The following LTBP3 variants were observed in gnomAD, a reference collection of about 807,000 sequenced individuals.
LTBP3 encodes the protein latent-transforming growth factor beta-binding protein 3.
A neutral mutation model predicts 159.7 loss-of-function variants in LTBP3; 97 were observed. The observed-to-expected ratio is 0.61, with a 90% CI of 0.52 to 0.72. LTBP3 has a LOEUF of 0.72. LTBP3 is among the 30% of genes least tolerant of loss of function. LTBP3 has a pLI of 0.00. For synonymous variants in LTBP3, 824 were observed against 777.1 expected, an observed-to-expected ratio of 1.06 and a Z score of -1.00; for missense variants, 1,584 against 1,864.3, an observed-to-expected ratio of 0.85 and a Z score of 2.77.
In LTBP3 at chr11:65,552,969, G is replaced by A. The variant is rs117063418; in HGVS notation, c.1077C>T (p.Cys359=). 1.1e-3 allele frequency: 1,706 copies of A among 1,614,186 alleles called. 37 individuals are homozygous for A. The East Asian group carries it at 0.032, about 30-fold the overall frequency. ...CATGGCGACACACGCCCGGCATTGC[G>A]CACTCGTTGATGTCTGTGGTAAGTG... ...NSTHCQDINE[C]AMPGVCRHGD... Residue 359 remains cysteine (C), a synonymous_variant, in exon 6 of 28, where the codon TGC becomes TGT. Transcript: ENST00000301873. The surrounding 1 kb of genome is among the most constrained non-coding windows in gnomAD (Gnocchi z 6.0).
At chr11:65,542,948 G>A (rs1856209764) in intron 18 of LTBP3, 157 bp downstream of exon 18, 1 of 892,656 alleles carries the variant, frequency 1.1e-6, no homozygotes, top group South Asian at 1.4e-5. Context: ...ATGGATGGAT[G>A]GATGGATGGA....
At chr11:65,551,519 A>G (rs746504772) in intron 9 of LTBP3, 29 bp downstream of exon 9, 1 of 1,613,686 alleles carries the variant, frequency 6.2e-7, no homozygotes, top group African/African-American at 1.3e-5. Context: ...TCGCCTGCCC[A>G]CCCCTCCCAT....
chr11:65,556,755 T>C lies in LTBP3; in HGVS notation c.331+874A>G, dbSNP rs370220194. 8.9e-4 allele frequency among the ~76,000 whole-genome samples: 135 copies of C among 152,156 alleles called. 1 individual carries two copies. The Middle Eastern group carries it at 0.014, about 15-fold the overall frequency. On this transcript the variant is annotated intron_variant, in intron 1 of 27. Transcript: ENST00000301873. ...TTAGCTCTGTGAGTGGGAGAGTGAA[T>C]ATAGGAATGTGTAAGAGGGGCTGTT...
chr11:65,541,176 G>C lies in LTBP3; in HGVS notation c.2843C>G (p.Ala948Gly). The C allele has an allele frequency of 6.2e-7, 1 of 1,602,916 alleles. No homozygotes were observed. The highest frequency in any genetic ancestry group is 1.7e-5 in the Admixed American group (1 of 58,924). Residue 948 changes from alanine to glycine, a missense_variant, in exon 20 of 28, where the codon GCC (alanine) becomes GGC (glycine). Around this residue, in one of 6 missense-constraint regions of LTBP3, gnomAD observed 565 missense variants for 677.7 expected, o/e 0.83. Coordinates refer to ENST00000301873, the MANE Select transcript of LTBP3 (RefSeq NM_001130144.3). ...TQQECCCSLG[A>G]GWGDHCEIYP... ...GATTTCGCAGTGGTCGCCCCAGCCG[G>C]CCCCCAGAGAGCAGCAGCACTCCTG...
intron 1 of LTBP3, among the ~76,000 whole-genome samples, chr11:65,555,915 C>G (rs1373929962): frequency 1.3e-5 from 2 of 152,152 alleles, no homozygotes; most frequent in African/African-American, 4.8e-5. Context: ...ACATCCCAGC[C>G]CAGCCCATCC....
rs2135152165 is a variant in LTBP3 at position 65,551,402 on chromosome 11, C to T, written c.1621G>A (p.Glu541Lys). 1 of 1,612,924 alleles carries T rather than the reference C, an allele frequency of 6.2e-7. No homozygotes were observed. The highest frequency in any genetic ancestry group is 8.5e-7 in the Non-Finnish European group (1 of 1,179,958). Reference protein sequence around the residue: ...ATTTPARPYPELISRPSPPTM... With the variant: ...ATTTPARPYPKLISRPSPPTM... The stretch of plus-strand genomic sequence containing the variant: ...CTCATCCCTACAGTGCCCAGCTCAC[C>T]GGGGTAGGGCCGGGCAGGAGTCGTG... Residue 541 changes from glutamate to lysine, a missense_variant and splice_region_variant, in exon 10 of 28, where the codon GAG (glutamate) becomes AAG (lysine). Glu to Lys is a moderately conservative substitution (Grantham distance 56, BLOSUM62 1). Transcript: ENST00000301873.
Position 65,541,172 on chromosome 11 carries a change from G to A in LTBP3, c.2847C>T (p.Gly949=). 1 of 1,594,738 alleles carries A rather than the reference G, an allele frequency of 6.3e-7. No homozygotes were observed. The highest frequency in any genetic ancestry group is 8.5e-7 in the Non-Finnish European group (1 of 1,172,492). Residue 949 remains glycine (G), a synonymous_variant, in exon 20 of 28, where the codon GGC becomes GGT. Transcript: ENST00000301873. ...QQECCCSLGA[G]WGDHCEIYPC... Reference sequence around the variant, plus strand: ...GGTAGATTTCGCAGTGGTCGCCCCAGCCGGCCCCCAGAGAGCAGCAGCACT... The same window carrying A: ...GGTAGATTTCGCAGTGGTCGCCCCAACCGGCCCCCAGAGAGCAGCAGCACT...
chr11:65,556,358 T>C (rs1856813503), intron 1 of LTBP3, among the ~76,000 whole-genome samples: 1 of 152,054 alleles, frequency 6.6e-6, no homozygotes, highest in Non-Finnish European at 1.5e-5. Flanking sequence ...TGAAACTCCA[T>C]CTCTACTAAA....
At position 65,553,754 on chromosome 11, in the gene LTBP3, G is replaced by A. The variant is rs2135158119; in HGVS notation, c.811C>T (p.Pro271Ser). The change falls in exon 3 of 28, where the codon CCC becomes TCC. Residue 271 changes from proline (P) to serine (S), a missense_variant. By Grantham distance (74) the Pro-to-Ser change is moderately conservative. Coordinates refer to ENST00000301873, the MANE Select transcript of LTBP3 (RefSeq NM_001130144.3). This position sits in a 1 kb window ranked among gnomAD's most constrained non-coding sequence, Gnocchi z 6.5. Reference protein sequence around the residue: ...PHPKPSHPRPPTQKPLGRCFQ... With the variant: ...PHPKPSHPRPSTQKPLGRCFQ... ...CAGCGGCCCAGGGGCTTCTGGGTGG[G>A]CGGCCGGGGGTGCGAGGGCTTGGGG... The A allele has an allele frequency of 6.3e-7, 1 of 1,575,660 alleles. No homozygotes were observed. The highest frequency in any genetic ancestry group is 8.6e-7 in the Non-Finnish European group (1 of 1,168,730).
intron 16 of LTBP3, 27 bp from the exon 17 acceptor site, chr11:65,543,576 A>G: frequency 1.2e-6 from 2 of 1,613,822 alleles, no homozygotes; most frequent in Non-Finnish European, 8.5e-7. Flanking sequence ...GTGTCAGAGG[A>G]CCAGGCTGGG....
chr11:65,540,779 C>G, intron 21 of LTBP3, 92 bp downstream of exon 21: 1 of 1,487,278 alleles, frequency 6.7e-7, no homozygotes, highest in Non-Finnish European at 9.2e-7. Context: ...TTACCCGGCG[C>G]GGGCAGCTGA....
intron 11 of LTBP3, chr11:65,548,509 A>G (rs12804356): frequency 0.053 from 11,790 of 221,856 alleles, 454 homozygotes; most frequent in Non-Finnish European, 0.08. Flanking sequence ...CTATTCCAGA[A>G]GGGTTGATTA....
rs755862659 is a variant in LTBP3 at position 65,552,066 on chromosome 11, G to C, written c.1437C>G (p.Ser479=). 11 of 1,613,980 alleles carry C rather than the reference G, an allele frequency of 6.8e-6. No homozygotes were observed. Among genetic ancestry groups the C allele is most frequent in the Non-Finnish European group, 8.5e-6 (10 of 1,180,008 alleles). ...GTGGCCCGTCAGGGTGCAGGAAAAG[G>C]GAAAAGTCACTCTCGCCCTGAATGG... ...TLTIQGESDF[S]LFLHPDGPPK... Residue 479 remains serine (S), a synonymous_variant, in exon 8 of 28, where the codon TCC becomes TCG. Coordinates refer to ENST00000301873, the MANE Select transcript of LTBP3 (RefSeq NM_001130144.3). The surrounding 1 kb of genome is among the most constrained non-coding windows in gnomAD (Gnocchi z 6.0).
chr11:65,539,226 C>G lies in LTBP3; in HGVS notation c.3766G>C (p.Asp1256His). ...CGCTGGTTCAGCTCTCGGCACTCGT[C>G]GATATCTGAAGGTGAGGGCGACAGG... ...DASRARCVDI[D>H]ECRELNQRGL... Residue 1256 changes from aspartate (D) to histidine (H), a missense_variant, in exon 28 of 28, where the codon GAC becomes CAC. By Grantham distance (81) the Asp-to-His change is moderately conservative (BLOSUM62 -1). This residue lies in a region of LTBP3 where 514 missense variants were observed against 530.3 expected (regional missense o/e 0.97). Coordinates refer to ENST00000301873, the MANE Select transcript of LTBP3 (RefSeq NM_001130144.3). 1 of 1,526,946 alleles carries G rather than the reference C, an allele frequency of 6.5e-7. No individual in the cohort carries two copies. The highest frequency in any genetic ancestry group is 8.8e-7 in the Non-Finnish European group (1 of 1,133,108). 94.6% of individuals were successfully genotyped at this position (1,526,946 alleles called of 1,614,324 possible). A position where few individuals can be genotyped will look rare whatever the true frequency, so the allele number is the denominator to read the frequency against.
rs1003169822 is a variant in LTBP3, at chr11:65,552,712, C to T, written c.1186+148G>A. ...GCTAATGGCAGATCTCATGTGACCC[C>T]GGACCCTGCTGATCCCTGATCCTAT... On this transcript the variant is annotated intron_variant, in intron 6 of 27. Transcript: ENST00000301873. This position sits in a 1 kb window ranked among gnomAD's most constrained non-coding sequence, Gnocchi z 6.0. 8.4e-6 allele frequency: 10 copies of T among 1,190,208 alleles called. No individual in the cohort carries two copies. The highest frequency in any genetic ancestry group is 3.0e-5 in the African/African-American group (2 of 66,268). 73.7% of individuals were successfully genotyped at this position (1,190,208 alleles called of 1,614,324 possible). A position where few individuals can be genotyped will look rare whatever the true frequency, so the allele number is the denominator to read the frequency against.
In LTBP3 at chr11:65,552,005, C is replaced by T. The variant is rs1351516709; in HGVS notation, c.1498G>A (p.Ala500Thr). Reference protein sequence around the residue: ...PQQLPESPSQAPPPEDTEEER... With the variant: ...PQQLPESPSQTPPPEDTEEER... ...TCCTCTGTGTCCTCAGGTGGTGGAG[C>T]CTGGCTAGGGCTCTCCGGAAGCTGC... Residue 500 changes from alanine to threonine, a missense_variant, in exon 8 of 28, where the codon GCT (alanine) becomes ACT (threonine). By Grantham distance (58) the Ala-to-Thr change is moderately conservative. Around this residue, in one of 6 missense-constraint regions of LTBP3, gnomAD observed 565 missense variants for 677.7 expected, o/e 0.83. Coordinates refer to ENST00000301873, the MANE Select transcript of LTBP3 (RefSeq NM_001130144.3). The surrounding 1 kb of genome is among the most constrained non-coding windows in gnomAD (Gnocchi z 6.0). 6.2e-7 allele frequency: 1 copy of T among 1,613,868 alleles called. No individual in the cohort carries two copies.
chr11:65,547,553 C>T lies in LTBP3; in HGVS notation c.1993G>A (p.Ala665Thr), dbSNP rs769389218. Residue 665 changes from alanine to threonine, a missense_variant, in exon 14 of 28, where the codon GCC (alanine) becomes ACC (threonine). This residue lies in a region of LTBP3 where 565 missense variants were observed against 677.7 expected (regional missense o/e 0.83). Transcript: ENST00000301873. This position sits in a 1 kb window ranked among gnomAD's most constrained non-coding sequence, Gnocchi z 4.6. ...CCGTCGCCGCACAGGTGGGGCTTGGCGCATTCGTTCAGGTCTGTGCGGGAG... is the reference window on the plus strand; with the variant it reads ...CCGTCGCCGCACAGGTGGGGCTTGGTGCATTCGTTCAGGTCTGTGCGGGAG... ...GRSCVDLNEC[A>T]KPHLCGDGGF... is the part of the protein sequence containing the mutation. 15 of 1,613,748 alleles carry T rather than the reference C, an allele frequency of 9.3e-6. No individual in the cohort carries two copies. Among genetic ancestry groups the T allele is most frequent in the Non-Finnish European group, 1.2e-5 (14 of 1,179,918 alleles).
At chr11:65,550,427 A>G (rs996020898) in intron 11 of LTBP3, among the ~76,000 whole-genome samples, 1 of 151,786 alleles carries the variant, frequency 6.6e-6, no homozygotes, top group Admixed American at 6.6e-5. Context: ...CAAAAAATAA[A>G]AAATAAAAAT....
rs1392419386 is a variant in LTBP3, at chr11:65,552,741, C to A, written c.1186+119G>T. Reference sequence around the variant, plus strand: ...CCCTGCTGATCCCTGATCCTATTGGCTCTGGGCCTTGTTCCTCCTGCAGTC... The same window carrying A: ...CCCTGCTGATCCCTGATCCTATTGGATCTGGGCCTTGTTCCTCCTGCAGTC... On this transcript the variant is annotated intron_variant, in intron 6 of 27. Coordinates refer to ENST00000301873, the MANE Select transcript of LTBP3 (RefSeq NM_001130144.3). The surrounding 1 kb of genome is among the most constrained non-coding windows in gnomAD (Gnocchi z 6.0). 6.9e-7 allele frequency: 1 copy of A among 1,440,334 alleles called. No homozygotes were observed. Among genetic ancestry groups the A allele is most frequent in the African/African-American group, 1.4e-5 (1 of 71,236 alleles). The allele number at this position is 1,440,334 out of a possible 1,614,324, so 89.2% of individuals were successfully genotyped here.
Sources: gnomAD v4.1 joint callset for allele counts (sites outside exome capture counted in the v4.1 genomes callset) on GRCh38, gnomAD v4.1.1 for gene constraint, gnomAD v4.1.1 regional missense constraint, Gnocchi (gnomAD v3.1) non-coding constraint, MANE v1.5 for transcripts, NCBI Gene and HGNC (gene_info 2026-07-23, HGNC 2026-07-21) for gene names.